The following NEBL variants were observed in gnomAD, a reference collection of about 807,000 sequenced individuals.
NEBL encodes the protein nebulette, also known as LIM and SH3 protein 2.
A neutral mutation model predicts 140.2 loss-of-function variants in NEBL; 122 were observed. The observed-to-expected ratio is 0.87, with a 90% CI of 0.75 to 1.01. NEBL has a LOEUF of 1.01. NEBL is among the 50% of genes least tolerant of loss of function. The probability of loss-of-function intolerance (pLI) is 0.00; values close to 1 mark genes in which losing one functional copy is unlikely to be tolerated. For synonymous variants in NEBL, 436 were observed against 398.9 expected (o/e 1.09, Z -1.11); for missense variants, 1,365 against 1,231.3 (o/e 1.11, Z -1.62).
At chr10:21,205,291 G>A (rs1289023315) in intron 3 of NEBL, among the ~76,000 whole-genome samples, 1 of 152,194 alleles carries the variant, frequency 6.6e-6, no homozygotes, top group Non-Finnish European at 1.5e-5. Flanking sequence ...TAGTCCAGCA[G>A]TTCTATTTCT....
intron 1 of NEBL, among the ~76,000 whole-genome samples, chr10:21,254,956 C>T (rs1842636255): frequency 6.6e-6 from 1 of 152,288 alleles, no homozygotes; most frequent in Admixed American, 6.5e-5. Context: ...CATGGCAGAG[C>T]ACCTCATTAG....
intron 3 of NEBL, among the ~76,000 whole-genome samples, chr10:21,228,210 G>C (rs1243117993): frequency 6.6e-6 from 1 of 151,936 alleles, no homozygotes; most frequent in Non-Finnish European, 1.5e-5. Flanking sequence ...CTGGAGTGCA[G>C]TGGGGCAATC....
intron 4 of NEBL, among the ~76,000 whole-genome samples, chr10:20,881,440 C>T (rs1281867537): frequency 2.6e-5 from 4 of 152,102 alleles, no homozygotes; most frequent in Admixed American, 2.6e-4. Context: ...TGGACCAGTG[C>T]CATCCATTAC....
intron 2 of NEBL, among the ~76,000 whole-genome samples, chr10:20,891,043 G>A (rs942537451): frequency 4.6e-5 from 7 of 152,078 alleles, no homozygotes; most frequent in African/African-American, 1.7e-4. Flanking sequence ...TATACTACCT[G>A]GTTCTTAGAG....
chr10:20,899,121 G>C (rs1847726463), upstream of NEBL, among the ~76,000 whole-genome samples: 1 of 152,200 alleles, frequency 6.6e-6, no homozygotes, highest in South Asian at 2.1e-4. Context: ...TTCCGTAAAA[G>C]GAAAGAATGT....
In NEBL at chr10:21,112,183, G is replaced by A. The variant is rs917961126; in HGVS notation, c.164+60200C>T. Among the ~76,000 whole-genome samples, 10 of 152,308 alleles carry A rather than the reference G, an allele frequency of 6.6e-5. No individual in the cohort carries two copies. The South Asian group carries it at 1.7e-3, about 25-fold the overall frequency. On this transcript the variant is annotated intron_variant, in intron 2 of 6. Coordinates refer to the NEBL transcript ENST00000417816. ...CAACCATTGTGGAAAACAGTGTGGC[G>A]ATTCCTCAAGGATTTAGAACTAGAA...
At position 21,002,397 on chromosome 10, in the gene NEBL, C is replaced by T. The variant is rs1054767881; in HGVS notation, c.249+17720G>A. The stretch of plus-strand genomic sequence containing the variant: ...ACCTAAACCTTATAAAGTTATCCTA[C>T]GCTGTAGAATGTTTACCATGTCAAA... On this transcript the variant is annotated intron_variant, in intron 3 of 6. Transcript: ENST00000417816. Among the ~76,000 whole-genome samples the T allele has an allele frequency of 2.6e-5, 4 of 152,222 alleles. No individual in the cohort carries two copies. In the South Asian group the frequency reaches 6.2e-4, roughly 24 times the overall value.
At chr10:20,934,101 A>G (rs914255228) in intron 4 of NEBL, among the ~76,000 whole-genome samples, 8 of 152,208 alleles carry the variant, frequency 5.3e-5, no homozygotes. Context: ...AATGATTGCA[A>G]GTTCTCACTC....
intron 2 of NEBL, among the ~76,000 whole-genome samples, chr10:21,108,982 C>T (rs1045748977): frequency 1.3e-5 from 2 of 152,136 alleles, no homozygotes; most frequent in Non-Finnish European, 2.9e-5. Context: ...TATTGGAATA[C>T]CGTTTATTTC....
intron 3 of NEBL, among the ~76,000 whole-genome samples, chr10:20,969,167 GT>G (rs1028545947): frequency 1.3e-5 from 2 of 151,908 alleles, no homozygotes; most frequent in South Asian, 4.2e-4. Flanking sequence ...CTGATTAAGA[GT>G]TTTTTTTAAG....
chr10:21,193,214 C>T (rs1333193916), intron 3 of NEBL, among the ~76,000 whole-genome samples: 1 of 152,028 alleles, frequency 6.6e-6, no homozygotes, highest in East Asian at 1.9e-4. Flanking sequence ...TGGGGGAAGA[C>T]GTGGGTGAGC....
At chr10:20,923,937 A>C (rs922815473) in intron 4 of NEBL, among the ~76,000 whole-genome samples, 4 of 152,066 alleles carry the variant, frequency 2.6e-5, no homozygotes, top group African/African-American at 9.7e-5. Flanking sequence ...TTTCCTATCT[A>C]GCCCTTTTCT....
At chr10:21,166,494 T>G (rs1056821867) in intron 2 of NEBL, among the ~76,000 whole-genome samples, 1 of 152,180 alleles carries the variant, frequency 6.6e-6, no homozygotes, top group African/African-American at 2.4e-5. Flanking sequence ...TTTATTGATG[T>G]ACTTCCTCTT....
intron 2 of NEBL, among the ~76,000 whole-genome samples, chr10:21,028,519 G>C (rs563364764): frequency 6.6e-6 from 1 of 152,136 alleles, no homozygotes; most frequent in East Asian, 1.9e-4. Flanking sequence ...CTACTATATA[G>C]GATTTTTTTA....
chr10:21,144,767 G>A (rs1310873619), intron 2 of NEBL, among the ~76,000 whole-genome samples: 1 of 151,986 alleles, frequency 6.6e-6, no homozygotes, highest in African/African-American at 2.4e-5. Flanking sequence ...GGAATAGGAA[G>A]AGCCAGGTTC....
At chr10:21,258,531 C>G (rs763285673) in intron 1 of NEBL, among the ~76,000 whole-genome samples, 3 of 152,192 alleles carry the variant, frequency 2.0e-5, no homozygotes, top group Non-Finnish European at 4.4e-5. Context: ...GTGGTGAAAC[C>G]CCATCTCTAC....
At chr10:21,063,231 T>C (rs1365668605) in intron 2 of NEBL, among the ~76,000 whole-genome samples, 2 of 152,184 alleles carry the variant, frequency 1.3e-5, no homozygotes, top group African/African-American at 4.8e-5. Context: ...ACCTGTCAGC[T>C]GTGCTTCTGA....
intron 2 of NEBL, among the ~76,000 whole-genome samples, chr10:21,032,901 A>G (rs115555704): frequency 1.7e-3 from 264 of 152,360 alleles, no homozygotes; most frequent in African/African-American, 5.7e-3. Context: ...AGAAGGCATT[A>G]TCAAAGGGAT....
At chr10:20,938,769 G>A (rs565682843) in intron 4 of NEBL, among the ~76,000 whole-genome samples, 18 of 152,272 alleles carry the variant, frequency 1.2e-4, no homozygotes, top group South Asian at 6.2e-4. Flanking sequence ...GAAAACCATC[G>A]CACAACAACT....
Sources: allele counts gnomAD v4.1 joint callset (sites outside exome capture counted in the v4.1 genomes callset), GRCh38; gene constraint gnomAD v4.1.1; transcripts MANE v1.5; gene names NCBI Gene and HGNC (gene_info 2026-07-23, HGNC 2026-07-21).